The following NPC1L1 variants were observed in gnomAD, a reference collection of about 807,000 sequenced individuals.
The protein encoded by NPC1L1 is NPC1 like intracellular cholesterol transporter 1.
In NPC1L1, 98 loss-of-function variants were observed where a neutral mutation model predicts 117.0. The ratio of observed to expected loss-of-function variants is 0.84; its 90% confidence interval spans 0.71 to 0.99. The LOEUF (loss-of-function observed/expected upper bound fraction) is 0.99, where lower values mean the gene tolerates loss of function less well. Among genes scored for constraint, NPC1L1 ranks in the 50% least tolerant of loss-of-function variants. The probability of loss-of-function intolerance (pLI) is 0.00; values close to 1 mark genes in which losing one functional copy is unlikely to be tolerated. For missense variants in NPC1L1, 1,540 were observed against 1,710.0 expected (o/e 0.90, Z 1.75); for synonymous variants, 729 against 727.6 (o/e 1.00, Z -0.03).
In NPC1L1 at chr7:44,516,173, C is replaced by T; in HGVS notation, c.3544G>A (p.Val1182Met). 6.2e-7 allele frequency: 1 copy of T among 1,609,988 alleles called. No homozygotes were observed. Residue 1182 changes from valine (V) to methionine (M), a missense_variant, in exon 17 of 19, where the codon GTG becomes ATG. By Grantham distance (21) the Val-to-Met change is conservative (BLOSUM62 1). Coordinates refer to ENST00000381160, the MANE Select transcript of NPC1L1 (RefSeq NM_001101648.2). ...GCAAAGGAGCGGGTAATGTGGGACA[C>T]AAACTCCACAGACATGCCCACCGCC... ...VSAVGMSVEF[V>M]SHITRSFAIS...
At chr7:44,521,159 C>T (rs772538213) in intron 12 of NPC1L1, 41 bp from the exon 13 acceptor site, 3 of 1,613,272 alleles carry the variant, frequency 1.9e-6, no homozygotes, top group Non-Finnish European at 1.7e-6. Context: ...CACCCCAGGG[C>T]CAGCAGCTCC....
intron 10 of NPC1L1, among the ~76,000 whole-genome samples, chr7:44,525,147 GA>G (rs1464041440): frequency 6.6e-6 from 1 of 151,978 alleles, no homozygotes; most frequent in Non-Finnish European, 1.5e-5. Context: ...GAGATTATTT[GA>G]AAAAATTATG....
At chr7:44,520,599 C>T (rs992367032) in intron 14 of NPC1L1, among the ~76,000 whole-genome samples, 166 bp downstream of exon 14, 1 of 152,138 alleles carries the variant, frequency 6.6e-6, no homozygotes, top group African/African-American at 2.4e-5. Context: ...GGGGTGAAGT[C>T]TGAGATGTGG....
intron 10 of NPC1L1, among the ~76,000 whole-genome samples, chr7:44,522,444 G>T (rs1238124985): frequency 6.6e-6 from 1 of 152,076 alleles, no homozygotes; most frequent in Non-Finnish European, 1.5e-5. Flanking sequence ...TGCTCAGTGG[G>T]ACACTCAGAG....
rs1418692382 is a variant in NPC1L1, at chr7:44,517,236, T to G, written c.3258A>C (p.Thr1086=). ...ITADLRKVPG[T]DPAFEVFPYT... ...AGGGGAAGACCTCAAAAGCCGGGTC[T>G]GTTCCAGGCACTTTCCGCAGGTCAG... Residue 1086 remains threonine (T), a synonymous_variant, in exon 15 of 19, where the codon ACA becomes ACC. Coordinates refer to ENST00000381160, the MANE Select transcript of NPC1L1 (RefSeq NM_001101648.2). 1.9e-6 allele frequency: 3 copies of G among 1,613,684 alleles called. No individual in the cohort carries two copies. Among genetic ancestry groups the G allele is most frequent in the African/African-American group, 1.3e-5 (1 of 74,770 alleles).
In NPC1L1 at chr7:44,539,115, C is replaced by T. The variant is rs1801993810; in HGVS notation, c.1282G>A (p.Gly428Arg). 1.2e-6 allele frequency: 2 copies of T among 1,614,016 alleles called. No homozygotes were observed. Among genetic ancestry groups the T allele is most frequent in the Non-Finnish European group, 1.7e-6 (2 of 1,180,036 alleles). ...AGGATTCCGCTGAAGTTCTTGGGCC[C>T]CAGCAGCAGAGAGTCATACCTGTAG... The part of the protein sequence containing the change: ...SSYRYDSLLL[G>R]PKNFSGILDL... Residue 428 changes from glycine to arginine, a missense_variant, in exon 2 of 19, where the codon GGG becomes AGG. Around this residue, in one of 3 missense-constraint regions of NPC1L1, gnomAD observed 793 missense variants for 820.4 expected, o/e 0.97. Coordinates refer to ENST00000381160, the MANE Select transcript of NPC1L1 (RefSeq NM_001101648.2). The surrounding 1 kb of genome is among the most constrained non-coding windows in gnomAD (Gnocchi z 4.4).
rs776014190 is a variant in NPC1L1, at chr7:44,536,245, G to C, written c.1854+11C>G. Reference sequence around the variant, plus strand: ...TTGCACCCCCAGAGCCAGGGACCCTGCAGCCCCTACCTCAGCCATGAACGT... The same window carrying C: ...TTGCACCCCCAGAGCCAGGGACCCTCCAGCCCCTACCTCAGCCATGAACGT... On this transcript the variant is annotated intron_variant, in intron 4 of 18. Transcript: ENST00000381160. This position sits in a 1 kb window ranked among gnomAD's most constrained non-coding sequence, Gnocchi z 4.7. 6.2e-7 allele frequency: 1 copy of C among 1,612,830 alleles called. No homozygotes were observed. Among genetic ancestry groups the C allele is most frequent in the Non-Finnish European group, 8.5e-7 (1 of 1,179,986 alleles).
At position 44,538,735 on chromosome 7, in the gene NPC1L1, G is replaced by C; in HGVS notation, c.1580+82C>G. 2 of 1,396,816 alleles carry C rather than the reference G, an allele frequency of 1.4e-6. No individual in the cohort carries two copies. 86.5% of individuals were successfully genotyped at this position (1,396,816 alleles called of 1,614,324 possible). A position where few individuals can be genotyped will look rare whatever the true frequency, so the allele number is the denominator to read the frequency against. Reference sequence around the variant, plus strand: ...TCTGGTCCTTCAGGACCAGCTGTATGCCCGGCCAGGTTCCCAGGAGGCCAT... The same window carrying C: ...TCTGGTCCTTCAGGACCAGCTGTATCCCCGGCCAGGTTCCCAGGAGGCCAT... On this transcript the variant is annotated intron_variant, in intron 2 of 18. Coordinates refer to ENST00000381160, the MANE Select transcript of NPC1L1 (RefSeq NM_001101648.2). This position sits in a 1 kb window ranked among gnomAD's most constrained non-coding sequence, Gnocchi z 5.9.
At chr7:44,514,318 G>A (rs1367913253) in intron 18 of NPC1L1, among the ~76,000 whole-genome samples, 1 of 152,196 alleles carries the variant, frequency 6.6e-6, no homozygotes, top group African/African-American at 2.4e-5. Context: ...ATGTGCCTCA[G>A]CCTCCCAAAG....
In NPC1L1 at chr7:44,518,858, C is replaced by A. The variant is rs1026327819; in HGVS notation, c.3137-1501G>T. On this transcript the variant is annotated intron_variant, in intron 14 of 18. Transcript: ENST00000381160. ...CTGACCACCTGGAGGGTAGTTCACA[C>A]ACAAATGCCCAGCCCAGCCCAGCAA... is the stretch of plus-strand genomic sequence containing the variant. Among the ~76,000 whole-genome samples the A allele has an allele frequency of 2.4e-4, 36 of 152,218 alleles. 1 individual carries two copies. The highest frequency in any genetic ancestry group is 2.0e-3 in the Admixed American group (31 of 15,270).
rs1046264062 is a variant in NPC1L1, at chr7:44,537,080, T to G, written c.1581-138A>C. On this transcript the variant is annotated intron_variant, in intron 2 of 18. Transcript: ENST00000381160. ...TGGGGTGGGGGACACTGGCTGCAGATAGCCCAGCTATCTGCATTTAGGCCA... is the reference window on the plus strand; with the variant it reads ...TGGGGTGGGGGACACTGGCTGCAGAGAGCCCAGCTATCTGCATTTAGGCCA... 3 of 667,146 alleles carry G rather than the reference T, an allele frequency of 4.5e-6. No homozygotes were observed. In the Admixed American group the frequency reaches 8.7e-5, roughly 19 times the overall value. 41.3% of individuals were successfully genotyped at this position (667,146 alleles called of 1,614,324 possible).
At chr7:44,530,218 A>T (rs899722416) in intron 10 of NPC1L1, among the ~76,000 whole-genome samples, 3 of 151,564 alleles carry the variant, frequency 2.0e-5, no homozygotes, top group African/African-American at 7.3e-5. Flanking sequence ...GCCACCTGTA[A>T]TCCCAGTTAC....
At chr7:44,531,948 G>T in intron 9 of NPC1L1, 104 bp from the exon 10 acceptor site, 1 of 1,524,730 alleles carries the variant, frequency 6.6e-7, no homozygotes, top group Non-Finnish European at 9.0e-7. Context: ...TTCTGGAGTT[G>T]AGCAGACTTG....
intron 10 of NPC1L1, among the ~76,000 whole-genome samples, chr7:44,528,124 A>G (rs1424587439): frequency 1.3e-5 from 2 of 152,150 alleles, no homozygotes; most frequent in Non-Finnish European, 2.9e-5. Flanking sequence ...CAGCTGAAAA[A>G]TAAAATTTTT....
chr7:44,522,151 A>T lies in NPC1L1; in HGVS notation c.2729T>A (p.Phe910Tyr). Residue 910 changes from phenylalanine (F) to tyrosine (Y), a missense_variant, in exon 11 of 19, where the codon TTC becomes TAC. By Grantham distance (22) the Phe-to-Tyr change is conservative. Around this residue, in one of 3 missense-constraint regions of NPC1L1, gnomAD observed 742 missense variants for 873.6 expected, o/e 0.85. Coordinates refer to ENST00000381160, the MANE Select transcript of NPC1L1 (RefSeq NM_001101648.2). ...GGCATTCATCCCAGCCTCGCTGGAG[A>T]AGTTGTAGCCCAAGGTGGTAACAAA... Reference protein sequence around the residue: ...VYFVTTLGYNFSSEAGMNAIC... With the variant: ...VYFVTTLGYNYSSEAGMNAIC... 6.2e-7 allele frequency: 1 copy of T among 1,613,828 alleles called. No homozygotes were observed.
At position 44,516,871 on chromosome 7, in the gene NPC1L1, G is replaced by A. The variant is rs571171154; in HGVS notation, c.3351C>T (p.Ser1117=). 7 of 1,614,172 alleles carry A rather than the reference G, an allele frequency of 4.3e-6. No individual in the cohort carries two copies. The Admixed American group carries it at 1.2e-4, about 27-fold the overall frequency. ...CAGCGAAGGTGGGCACAAGGCAGAGGCTGAGCATGAAGAGCCCCTCAGGGA... is the reference window on the plus strand; with the variant it reads ...CAGCGAAGGTGGGCACAAGGCAGAGACTGAGCATGAAGAGCCCCTCAGGGA... The part of the protein sequence containing the change: ...TILPEGLFML[S]LCLVPTFAVS... Residue 1117 remains serine (S), a synonymous_variant, in exon 16 of 19, where the codon AGC becomes AGT. Transcript: ENST00000381160.
chr7:44,513,358 G>T lies in NPC1L1; in HGVS notation c.*89C>A. ...GGAATGGCCTCCCCTAGGATTTGAG[G>T]AGGGCGTGTGTCAAGGGGCAGTCAC... On this transcript the variant is annotated 3_prime_UTR_variant, in exon 19 of 19. Transcript: ENST00000381160. 1 of 1,262,040 alleles carries T rather than the reference G, an allele frequency of 7.9e-7. No individual in the cohort carries two copies. The allele number at this position is 1,262,040 out of a possible 1,614,324, so 78.2% of individuals were successfully genotyped here.
rs1021960804 is a variant in NPC1L1 at position 44,536,554 on chromosome 7, C to G, written c.1682-126G>C. 5 of 1,078,572 alleles carry G rather than the reference C, an allele frequency of 4.6e-6. No individual in the cohort carries two copies. Among genetic ancestry groups the G allele is most frequent in the Non-Finnish European group, 7.0e-6 (5 of 719,390 alleles). 66.8% of individuals were successfully genotyped at this position (1,078,572 alleles called of 1,614,324 possible). ...CCATCACCCCTTGCTCCTTCTCCCC[C>G]ACTCCTTCCTCATCTGATACATGGC... On this transcript the variant is annotated intron_variant, in intron 3 of 18. Transcript: ENST00000381160. This position sits in a 1 kb window ranked among gnomAD's most constrained non-coding sequence, Gnocchi z 4.7.
At position 44,534,651 on chromosome 7, in the gene NPC1L1, C is replaced by T; in HGVS notation, c.1984-22G>A. The T allele has an allele frequency of 6.2e-7, 1 of 1,613,022 alleles. No homozygotes were observed. Among genetic ancestry groups the T allele is most frequent in the South Asian group, 1.1e-5 (1 of 91,042 alleles). On this transcript the variant is annotated intron_variant, in intron 5 of 18. Coordinates refer to ENST00000381160, the MANE Select transcript of NPC1L1 (RefSeq NM_001101648.2). The surrounding 1 kb of genome is among the most constrained non-coding windows in gnomAD (Gnocchi z 5.2). ...CCACCTGCAATGCAAACAGGCTCAGCCCCCTAGCCACTTAGCACCTACCCA... is the reference window on the plus strand; with the variant it reads ...CCACCTGCAATGCAAACAGGCTCAGTCCCCTAGCCACTTAGCACCTACCCA...
Sources: allele counts gnomAD v4.1 joint callset (sites outside exome capture counted in the v4.1 genomes callset), GRCh38; gene constraint gnomAD v4.1.1; regional missense constraint gnomAD v4.1.1; non-coding constraint Gnocchi (gnomAD v3.1); transcripts MANE v1.5; gene names NCBI Gene and HGNC (gene_info 2026-07-23, HGNC 2026-07-21).